FBN3: variants seen among roughly 807,000 people sequenced by gnomAD.
FBN3 encodes the protein fibrillin 3.
A neutral mutation model predicts 330.1 loss-of-function variants in FBN3; 234 were observed. The ratio of observed to expected loss-of-function variants is 0.71; its 90% CI spans 0.64 to 0.79. The LOEUF (loss-of-function observed/expected upper bound fraction) is 0.79, where lower values mean the gene tolerates loss of function less well. Among genes scored for constraint, FBN3 ranks in the 30% least tolerant of loss-of-function variants. The pLI is 0.00. For synonymous variants in FBN3, 1,458 were observed against 1,517.3 expected (o/e 0.96, Z 0.91); for missense variants, 3,606 against 3,886.9 (o/e 0.93, Z 1.92).
chr19:8,079,269 C>CA (rs1175980305), intron 59 of FBN3, among the ~76,000 whole-genome samples: 1 of 152,048 alleles, frequency 6.6e-6, no homozygotes, highest in Non-Finnish European at 1.5e-5. Flanking sequence ...AAAAACAAAA[C>CA]AAAAAACCCA....
chr19:8,083,805 C>CTTTTCTTTT lies in FBN3; in HGVS notation c.7088-434_7088-433insAAAAGAAAA, dbSNP rs766533055. 2.4e-4 allele frequency among the ~76,000 whole-genome samples: 32 copies of CTTTTCTTTT among 134,102 alleles called. 3 individuals carry two copies. The highest frequency in any genetic ancestry group is 4.8e-4 in the South Asian group (2 of 4,210). 88.0% of individuals were successfully genotyped at this position (134,102 alleles called of 152,430 possible). A position where few individuals can be genotyped will look rare whatever the true frequency, so the allele number is the denominator to read the frequency against. On this transcript the variant is annotated intron_variant, in intron 56 of 63. Transcript: ENST00000600128. ...TTCCTCCCCAGTCCTACTATTTTTT[C>CTTTTCTTTT]TTTTTTTTTTTTTTTGAGACAGAGT...
chr19:8,085,446 C>T lies in FBN3; in HGVS notation c.7004G>A (p.Arg2335His), dbSNP rs767001525. The T allele has an allele frequency of 9.5e-6, 15 of 1,576,668 alleles. No individual in the cohort carries two copies. Among genetic ancestry groups the T allele is most frequent in the Admixed American group, 7.5e-5 (4 of 53,398 alleles). The stretch of plus-strand genomic sequence containing the variant: ...GCCGGGCAGGGGACAGAGCTCGCAG[C>T]GGGGCCCCCAGCCCCGGCCACCCCC... Reference protein sequence around the residue: ...CCGGGRGWGPRCELCPLPGTS... With the variant: ...CCGGGRGWGPHCELCPLPGTS... The change falls in exon 56 of 64, where the codon CGC becomes CAC. Residue 2335 changes from arginine to histidine, a missense_variant. Transcript: ENST00000600128.
intron 10 of FBN3, among the ~76,000 whole-genome samples, chr19:8,136,741 C>T (rs576693213): frequency 5.3e-5 from 8 of 152,134 alleles, no homozygotes; most frequent in South Asian, 2.1e-4. Flanking sequence ...ACCTAGATCC[C>T]TCCAACCTGG....
intron 47 of FBN3, among the ~76,000 whole-genome samples, chr19:8,092,378 A>C (rs755235286): frequency 2.6e-5 from 4 of 152,180 alleles, no homozygotes; most frequent in Non-Finnish European, 5.9e-5. Flanking sequence ...GTAGATAAAG[A>C]AAATGTGGTA....
chr19:8,083,397 G>A (rs374439333), intron 56 of FBN3, 25 bp from the exon 57 acceptor site: 3 of 1,612,650 alleles, frequency 1.9e-6, no homozygotes, highest in Non-Finnish European at 2.5e-6. Context: ...GGTGCAAATG[G>A]GGCTGGCTGG....
At chr19:8,146,011 G>T in intron 4 of FBN3, 73 bp from the exon 5 acceptor site, 1 of 1,486,430 alleles carries the variant, frequency 6.7e-7, no homozygotes, top group Non-Finnish European at 9.2e-7. Flanking sequence ...AAGGCTGCAG[G>T]ACTAGGCATG....
At chr19:8,124,364 C>A (rs2082929457) in intron 22 of FBN3, among the ~76,000 whole-genome samples, 1 of 151,990 alleles carries the variant, frequency 6.6e-6, no homozygotes, top group Non-Finnish European at 1.5e-5. Flanking sequence ...CGGCCTCAGC[C>A]TCCCGAGGAG....
intron 51 of FBN3, among the ~76,000 whole-genome samples, chr19:8,088,875 A>G (rs2082027256): frequency 6.6e-6 from 1 of 152,062 alleles, no homozygotes; most frequent in African/African-American, 2.4e-5. Flanking sequence ...GAATGAGTAA[A>G]TGAATGAGTG....
chr19:8,097,329 G>T lies in FBN3; in HGVS notation c.5247C>A (p.Pro1749=). ...NQIGSFRCEC[P]AGFNYNSILL... ...GGATGCTGTTGTAGTTGAAGCCTGCGGGGCACTCGCAGCGGAAACTCCCGA... is the reference window on the plus strand; with the variant it reads ...GGATGCTGTTGTAGTTGAAGCCTGCTGGGCACTCGCAGCGGAAACTCCCGA... The change falls in exon 42 of 64, where the codon CCC becomes CCA. Residue 1749 remains proline (P), a synonymous_variant. Coordinates refer to ENST00000600128, the MANE Select transcript of FBN3 (RefSeq NM_032447.5). The T allele has an allele frequency of 6.2e-7, 1 of 1,610,288 alleles. No individual in the cohort carries two copies. The highest frequency in any genetic ancestry group is 8.5e-7 in the Non-Finnish European group (1 of 1,177,604).
At chr19:8,080,974 C>T (rs369448111) in intron 59 of FBN3, 29 bp downstream of exon 59, 5 of 1,508,320 alleles carry the variant, frequency 3.3e-6, no homozygotes, top group East Asian at 4.5e-5. Flanking sequence ...TCATGGGTCA[C>T]CTCCCGGTGA....
chr19:8,095,614 G>T, intron 45 of FBN3, 111 bp from the exon 46 acceptor site: 1 of 1,155,898 alleles, frequency 8.7e-7, no homozygotes, highest in Non-Finnish European at 1.2e-6. Context: ...GCTTCAACTT[G>T]AGCACTCATG....
intron 6 of FBN3, among the ~76,000 whole-genome samples, chr19:8,142,912 GC>G (rs2083447470): frequency 8.4e-6 from 1 of 119,158 alleles, no homozygotes; most frequent in African/African-American, 3.2e-5. Flanking sequence ...CCTCCAACAA[GC>G]CCATGTTCTA....
intron 8 of FBN3, among the ~76,000 whole-genome samples, chr19:8,140,273 G>A (rs1278051501): frequency 1.3e-5 from 2 of 152,146 alleles, no homozygotes; most frequent in Non-Finnish European, 2.9e-5. Context: ...AGACCAGCCT[G>A]GCCAACACAG....
chr19:8,089,545 C>A lies in FBN3; in HGVS notation c.6376G>T (p.Asp2126Tyr). 1 of 1,614,026 alleles carries A rather than the reference C, an allele frequency of 6.2e-7. No individual in the cohort carries two copies. Among genetic ancestry groups the A allele is most frequent in the Non-Finnish European group, 8.5e-7 (1 of 1,179,960 alleles). Residue 2126 changes from aspartate (D) to tyrosine (Y), a missense_variant and splice_region_variant, in exon 51 of 64, where the codon GAC becomes TAC. Coordinates refer to ENST00000600128, the MANE Select transcript of FBN3 (RefSeq NM_032447.5). Reference sequence around the variant, plus strand: ...AGCTGGGGAAGGGCTGGCCACTCACCCACACAGTTGATGCCAGTGAAGTCC... The same window carrying A: ...AGCTGGGGAAGGGCTGGCCACTCACACACACAGTTGATGCCAGTGAAGTCC... ...SLDFTGINCV[D>Y]TDECSVGHPC...
Position 8,129,434 on chromosome 19 carries a change from T to C in FBN3, c.2045-69A>G. On this transcript the variant is annotated intron_variant, in intron 16 of 63. Coordinates refer to ENST00000600128, the MANE Select transcript of FBN3 (RefSeq NM_032447.5). The surrounding 1 kb of genome is among the most constrained non-coding windows in gnomAD (Gnocchi z 4.5). ...GTGTCCGAGGCAGGAGGAGGGTGTG[T>C]CGCGGCGCACCAGGGGTCTCTAGAA... 1.3e-6 allele frequency: 2 copies of C among 1,584,058 alleles called. No homozygotes were observed. Among genetic ancestry groups the C allele is most frequent in the Middle Eastern group, 1.8e-4 (1 of 5,586 alleles).
chr19:8,075,675 G>A (rs938148008), intron 59 of FBN3, among the ~76,000 whole-genome samples: 3 of 152,196 alleles, frequency 2.0e-5, no homozygotes, highest in Non-Finnish European at 4.4e-5. Flanking sequence ...TCTGTGCCTC[G>A]ATGTCCTCAG....
At chr19:8,144,755 C>A in intron 6 of FBN3, 122 bp downstream of exon 6, 1 of 697,018 alleles carries the variant, frequency 1.4e-6, no homozygotes, top group Non-Finnish European at 2.4e-6. Context: ...CAGACTGCCC[C>A]AAATGCGGGA....
Position 8,096,829 on chromosome 19 carries a change from C to G in FBN3, c.5413+52G>C. On this transcript the variant is annotated intron_variant, in intron 43 of 63. Transcript: ENST00000600128. This position sits in a 1 kb window ranked among gnomAD's most constrained non-coding sequence, Gnocchi z 4.6. ...ACAGAGCCATACCCCATCTAAGTCC[C>G]CATGGGTGACAGAGCCCAGCTCCCT... 6.3e-7 allele frequency: 1 copy of G among 1,598,644 alleles called. No individual in the cohort carries two copies. Among genetic ancestry groups the G allele is most frequent in the East Asian group, 2.2e-5 (1 of 44,772 alleles).
chr19:8,073,006 T>TGTGTGTGTGC lies in FBN3; in HGVS notation c.7937+56_7937+57insGCACACACAC, dbSNP rs1358267793. On this transcript the variant is annotated intron_variant, in intron 62 of 63. Transcript: ENST00000600128. Reference sequence around the variant, plus strand: ...GTGTGTGTGTGTGTGTGTGTGTGCGTGCGTGCATGGACGCTTGCGGGGCAT... The same window carrying TGTGTGTGTGC: ...GTGTGTGTGTGTGTGTGTGTGTGCGTGTGTGTGTGCGCGTGCATGGACGCTTGCGGGGCAT... 1.7e-5 allele frequency: 16 copies of TGTGTGTGTGC among 964,356 alleles called. No homozygotes were observed. The African/African-American group carries it at 2.8e-4, about 17-fold the overall frequency. The allele number at this position is 964,356 out of a possible 1,614,324, so 59.7% of individuals were successfully genotyped here. A position where few individuals can be genotyped will look rare whatever the true frequency, so the allele number is the denominator to read the frequency against.
Sources: allele counts gnomAD v4.1 joint callset (sites outside exome capture counted in the v4.1 genomes callset), GRCh38; gene constraint gnomAD v4.1.1; non-coding constraint Gnocchi (gnomAD v3.1); transcripts MANE v1.5; gene names NCBI Gene and HGNC (gene_info 2026-07-23, HGNC 2026-07-21).